The following FAM107A variants were observed in gnomAD, a reference collection of about 807,000 sequenced individuals.
FAM107A encodes the protein family with sequence similarity 107 member A.
In FAM107A, 19 loss-of-function variants were observed where a neutral mutation model predicts 13.7. The observed-to-expected ratio is 1.38, with a 90% confidence interval of 0.97 to 2.03. The LOEUF is 2.03. FAM107A is among the 30% of genes most tolerant of loss of function. The probability of loss-of-function intolerance (pLI) is 0.00; values close to 1 mark genes in which losing one functional copy is unlikely to be tolerated. For synonymous variants in FAM107A, 82 were observed against 74.5 expected (o/e 1.10, Z -0.52); for missense variants, 203 against 184.4 (o/e 1.10, Z -0.58).
chr3:58,567,504 C>G, intron 2 of FAM107A, 140 bp from the exon 3 acceptor site: 3 of 940,900 alleles, frequency 3.2e-6, no homozygotes, highest in African/African-American at 1.7e-5. Flanking sequence ...GGACCCATTA[C>G]TGTCCCATTT....
intron 1 of FAM107A, among the ~76,000 whole-genome samples, chr3:58,576,910 C>G (rs1422092978): frequency 1.3e-5 from 2 of 152,214 alleles, no homozygotes; most frequent in Non-Finnish European, 1.5e-5. Flanking sequence ...AAGGAAAGAG[C>G]TTGAATCTGA....
upstream of FAM107A, among the ~76,000 whole-genome samples, chr3:58,582,157 G>A (rs761068991): frequency 6.6e-6 from 1 of 152,218 alleles, no homozygotes; most frequent in Non-Finnish European, 1.5e-5. Context: ...GTCACACATC[G>A]AAGTTAAATT....
At chr3:58,586,752 C>A in intron 1 of FAM107A, 1 of 1,191,754 alleles carries the variant, frequency 8.4e-7, no homozygotes, top group Non-Finnish European at 1.1e-6. Context: ...AGCAGAGCAA[C>A]GAAGCAGAGG....
chr3:58,590,765 G>A (rs571146250), upstream of FAM107A, among the ~76,000 whole-genome samples: 29 of 152,254 alleles, frequency 1.9e-4, no homozygotes, highest in East Asian at 5.2e-3. Context: ...CTCCCACTAG[G>A]TCCCTCCCTT....
chr3:58,612,578 C>G (rs2065864787), intron 1 of FAM107A, among the ~76,000 whole-genome samples: 1 of 149,406 alleles, frequency 6.7e-6, no homozygotes, highest in Admixed American at 6.6e-5. Flanking sequence ...AGAGAGAGAC[C>G]CTGAAAAAAA....
chr3:58,592,663 C>A (rs2065663412), intron 1 of FAM107A, among the ~76,000 whole-genome samples: 2 of 152,194 alleles, frequency 1.3e-5, no homozygotes, highest in South Asian at 4.1e-4. Context: ...ATACCCCTTA[C>A]CATCCTCAAT....
chr3:58,612,313 C>T (rs1200095616), intron 1 of FAM107A, among the ~76,000 whole-genome samples: 1 of 152,166 alleles, frequency 6.6e-6, no homozygotes, highest in African/African-American at 2.4e-5. Flanking sequence ...GGTGCAGTGG[C>T]TCACACTTCT....
At chr3:58,587,167 C>T (rs1031956556), upstream of FAM107A, 210 of 1,302,432 alleles carry the variant, frequency 1.6e-4, no homozygotes, top group Non-Finnish European at 2.0e-4. Context: ...AGGCAGGGCG[C>T]GGGTGAACGT....
chr3:58,589,296 G>C, upstream of FAM107A: 2 of 1,464,016 alleles, frequency 1.4e-6, no homozygotes, highest in Non-Finnish European at 9.2e-7. Flanking sequence ...AGTAGGTGGA[G>C]TTGAGGACCC....
chr3:58,618,157 G>A (rs57751592), intron 1 of FAM107A, among the ~76,000 whole-genome samples: 16 of 152,338 alleles, frequency 1.1e-4, no homozygotes, highest in Non-Finnish European at 1.6e-4. Context: ...AGGCTCAAGG[G>A]GGGTAGGCCC....
At position 58,566,418 on chromosome 3, in the gene FAM107A, C is replaced by A. The variant is rs933187356; in HGVS notation, c.*170G>T. On this transcript the variant is annotated 3_prime_UTR_variant, in exon 4 of 4. Coordinates refer to ENST00000360997, the MANE Select transcript of FAM107A (RefSeq NM_001076778.3). ...GAAGGAAAACCTAGGAGCTTAGGGG[C>A]CCCAGCCTCCCAGGGAGAGCCAGGC... 2.4e-5 allele frequency: 14 copies of A among 584,534 alleles called. No homozygotes were observed. In the South Asian group the frequency reaches 3.3e-4, roughly 14 times the overall value. The allele number at this position is 584,534 out of a possible 1,614,324, so 36.2% of individuals were successfully genotyped here.
At chr3:58,594,855 A>C (rs954235477) in intron 1 of FAM107A, among the ~76,000 whole-genome samples, 2 of 152,128 alleles carry the variant, frequency 1.3e-5, no homozygotes, top group African/African-American at 2.4e-5. Context: ...AGAGCCCCAA[A>C]ACTTGCCAAC....
intron 1 of FAM107A, chr3:58,626,984 G>T (rs2066024389): frequency 6.5e-7 from 1 of 1,535,968 alleles, no homozygotes; most frequent in Non-Finnish European, 8.7e-7. Flanking sequence ...CTTCCCCTGG[G>T]CTGCTCCCAT....
chr3:58,618,218 T>C (rs773868572), intron 1 of FAM107A, among the ~76,000 whole-genome samples: 5 of 152,304 alleles, frequency 3.3e-5, no homozygotes, highest in Non-Finnish European at 7.4e-5. Context: ...TTTTGGTGCA[T>C]GTGGAGGAAT....
At chr3:58,612,144 T>C (rs1386609958) in intron 1 of FAM107A, among the ~76,000 whole-genome samples, 2 of 151,830 alleles carry the variant, frequency 1.3e-5, no homozygotes, top group Non-Finnish European at 2.9e-5. Flanking sequence ...GTAAAATCTA[T>C]CCCAAAGAAA....
At chr3:58,606,037 A>C (rs1198752843) in intron 1 of FAM107A, among the ~76,000 whole-genome samples, 3 of 152,206 alleles carry the variant, frequency 2.0e-5, no homozygotes, top group Non-Finnish European at 4.4e-5. Context: ...TGTTTCTGCC[A>C]CTGACCCTCT....
chr3:58,626,756 C>G (rs2066021842), intron 1 of FAM107A, among the ~76,000 whole-genome samples: 2 of 152,142 alleles, frequency 1.3e-5, no homozygotes, highest in South Asian at 4.2e-4. Context: ...TTGGCTGCCC[C>G]CGAGTCTGTC....
At chr3:58,609,767 C>T (rs529784992) in intron 1 of FAM107A, among the ~76,000 whole-genome samples, 5 of 152,184 alleles carry the variant, frequency 3.3e-5, no homozygotes, top group South Asian at 4.1e-4. Context: ...GGACCAAAGT[C>T]GGGGCCCAGA....
chr3:58,579,094 G>A (rs1358136438), upstream of FAM107A, among the ~76,000 whole-genome samples: 1 of 152,192 alleles, frequency 6.6e-6, no homozygotes, highest in Non-Finnish European at 1.5e-5. Context: ...ATGAACGCAA[G>A]GCTGGGTGAG....
Sources: gnomAD v4.1 joint callset for allele counts (sites outside exome capture counted in the v4.1 genomes callset) on GRCh38, gnomAD v4.1.1 for gene constraint, MANE v1.5 for transcripts, NCBI Gene and HGNC (gene_info 2026-07-23, HGNC 2026-07-21) for gene names.